The following STAG1 variants were observed in gnomAD, a reference collection of about 807,000 sequenced individuals.
STAG1 encodes the protein STAG1 cohesin complex component, also known as cohesin subunit SA-1.
Under a neutral mutation model 170.9 loss-of-function variants are expected in STAG1, and 26 were observed. The ratio of observed to expected loss-of-function variants is 0.15; its 90% CI spans 0.11 to 0.21. The LOEUF (loss-of-function observed/expected upper bound fraction) is 0.21, where lower values mean the gene tolerates loss of function less well. STAG1 is among the 10% of genes least tolerant of loss of function. The pLI, the probability that STAG1 is intolerant of heterozygous loss-of-function variation, is 1.00. For synonymous variants in STAG1, 514 were observed against 497.7 expected, an observed-to-expected ratio of 1.03 and a Z score of -0.44; for missense variants, 964 against 1,509.5, an observed-to-expected ratio of 0.64 and a Z score of 5.99.
intron 6 of STAG1, among the ~76,000 whole-genome samples, chr3:136,540,341 ATGG>A (rs1448546232): frequency 6.6e-6 from 1 of 152,040 alleles, no homozygotes; most frequent in Non-Finnish European, 1.5e-5. Context: ...AAAAACTAGA[ATGG>A]TGATTTTAAA....
At chr3:136,557,705 A>AT (rs1200487317) in intron 5 of STAG1, among the ~76,000 whole-genome samples, 3 of 151,738 alleles carry the variant, frequency 2.0e-5, no homozygotes, top group Non-Finnish European at 4.4e-5. Flanking sequence ...ACCATGCCCA[A>AT]TTTTTTTATT....
In STAG1 at chr3:136,525,339, C is replaced by T. The variant is rs942977622; in HGVS notation, c.472-3922G>A. On this transcript the variant is annotated intron_variant, in intron 6 of 33. Coordinates refer to ENST00000383202, the MANE Select transcript of STAG1 (RefSeq NM_005862.3). Reference sequence around the variant, plus strand: ...TTAGTCTTGGGAGGGTGTATGTGTCCAGGAATTTATCCATTTCTTCTAGAT... The same window carrying T: ...TTAGTCTTGGGAGGGTGTATGTGTCTAGGAATTTATCCATTTCTTCTAGAT... 4.6e-5 allele frequency among the ~76,000 whole-genome samples: 7 copies of T among 152,026 alleles called. No individual in the cohort carries two copies. The South Asian group carries it at 8.3e-4, about 18-fold the overall frequency.
At chr3:136,556,967 C>T (rs1936649298) in intron 5 of STAG1, among the ~76,000 whole-genome samples, 1 of 151,944 alleles carries the variant, frequency 6.6e-6, no homozygotes, top group African/African-American at 2.4e-5. Flanking sequence ...GAGCAATGGC[C>T]GACGCCTGTA....
intron 1 of STAG1, among the ~76,000 whole-genome samples, chr3:136,675,555 CAATTCACGTGCTATAA>C (rs1331325339): frequency 6.6e-6 from 1 of 152,194 alleles, no homozygotes; most frequent in Non-Finnish European, 1.5e-5. Flanking sequence ...TTGAGATATA[CAATTCACGTGCTATAA>C]AATTCACCCT....
At chr3:136,735,814 A>G (rs1470677542) in intron 1 of STAG1, among the ~76,000 whole-genome samples, 2 of 152,168 alleles carry the variant, frequency 1.3e-5, no homozygotes, top group Non-Finnish European at 2.9e-5. Flanking sequence ...ATAAAAATTT[A>G]TTATACATAA....
intron 15 of STAG1, among the ~76,000 whole-genome samples, chr3:136,437,633 T>C (rs149938281): frequency 5.1e-4 from 78 of 152,338 alleles, no homozygotes; most frequent in African/African-American, 1.8e-3. Flanking sequence ...AAATCACCAA[T>C]GACCTAAATC....
chr3:136,603,642 T>C (rs1938791849), intron 4 of STAG1, among the ~76,000 whole-genome samples: 1 of 152,102 alleles, frequency 6.6e-6, no homozygotes, highest in Non-Finnish European at 1.5e-5. Context: ...CCCAGTACTT[T>C]GGGAGGCCGA....
intron 1 of STAG1, among the ~76,000 whole-genome samples, chr3:136,739,852 TAC>T (rs961633618): frequency 6.0e-5 from 9 of 151,256 alleles, no homozygotes; most frequent in Non-Finnish European, 2.9e-5. Flanking sequence ...TATACATATA[TAC>T]ACACACACAC....
At chr3:136,446,168 C>T (rs900155546) in intron 14 of STAG1, among the ~76,000 whole-genome samples, 2 of 152,120 alleles carry the variant, frequency 1.3e-5, no homozygotes, top group African/African-American at 2.4e-5. Flanking sequence ...TATACTCCTA[C>T]ATTTAAAAAC....
chr3:136,559,054 T>TA (rs1009156462), intron 5 of STAG1, among the ~76,000 whole-genome samples: 6 of 152,156 alleles, frequency 3.9e-5, no homozygotes, highest in African/African-American at 1.4e-4. Flanking sequence ...CAAAGGCACT[T>TA]TATATTCAGT....
intron 21 of STAG1, among the ~76,000 whole-genome samples, chr3:136,405,362 T>A (rs539383779): frequency 3.3e-5 from 5 of 150,356 alleles, no homozygotes; most frequent in Non-Finnish European, 7.4e-5. Flanking sequence ...GTGCATCAGC[T>A]TTCCGAGTAG....
chr3:136,469,090 CCT>C (rs2089552604), intron 12 of STAG1, among the ~76,000 whole-genome samples: 1 of 152,062 alleles, frequency 6.6e-6, no homozygotes, highest in Non-Finnish European at 1.5e-5. Context: ...ACAGGGATGC[CCT>C]CTCTCACCAC....
chr3:136,665,586 T>C (rs1941733155), intron 1 of STAG1, among the ~76,000 whole-genome samples: 1 of 151,328 alleles, frequency 6.6e-6, no homozygotes, highest in East Asian at 1.9e-4. Flanking sequence ...GAGACCACCC[T>C]AGCTAACACA....
intron 7 of STAG1, among the ~76,000 whole-genome samples, chr3:136,513,041 A>C (rs1387081552): frequency 6.6e-6 from 1 of 152,216 alleles, no homozygotes; most frequent in African/African-American, 2.4e-5. Flanking sequence ...GAAACACAGA[A>C]TATTTCAAAA....
At position 136,572,620 on chromosome 3, in the gene STAG1, A is replaced by AAAG. The variant is rs1553747955; in HGVS notation, c.298-3762_298-3760dup. 5.0e-4 allele frequency among the ~76,000 whole-genome samples: 75 copies of AAAG among 148,742 alleles called. 2 individuals are homozygous for AAAG. Among genetic ancestry groups the AAAG allele is most frequent in the African/African-American group, 1.8e-3 (72 of 40,332 alleles). On this transcript the variant is annotated intron_variant, in intron 4 of 33. Coordinates refer to ENST00000383202, the MANE Select transcript of STAG1 (RefSeq NM_005862.3). ...CTGTCTCAAAAAAAAAAAAAAAAAAAAAGTAAGCAAGTAAGAGAACAAAGT... is the reference window on the plus strand; with the variant it reads ...CTGTCTCAAAAAAAAAAAAAAAAAAAAAGAAGTAAGCAAGTAAGAGAACAAAGT...
chr3:136,746,023 A>G (rs1279991890), intron 1 of STAG1, among the ~76,000 whole-genome samples: 2 of 152,152 alleles, frequency 1.3e-5, no homozygotes, highest in African/African-American at 4.8e-5. Context: ...GATTCTATAA[A>G]ACCAACTGAA....
Position 136,688,856 on chromosome 3 carries a change from T to A in STAG1, c.-83-57875A>T, listed in dbSNP as rs181159679. Among the ~76,000 whole-genome samples, 175 of 152,328 alleles carry A rather than the reference T, an allele frequency of 1.1e-3. No homozygotes were observed. In the Middle Eastern group the frequency reaches 0.014, roughly 12 times the overall value. The stretch of plus-strand genomic sequence containing the variant: ...GTGAGCCCCAAAGGATGGACAGCTT[T>A]CAAATTTATTAACACCAAAGGAAGA... On this transcript the variant is annotated intron_variant, in intron 1 of 33. Coordinates refer to ENST00000383202, the MANE Select transcript of STAG1 (RefSeq NM_005862.3).
At position 136,577,633 on chromosome 3, in the gene STAG1, T is replaced by C. The variant is rs555037582; in HGVS notation, c.298-8772A>G. 3.9e-5 allele frequency among the ~76,000 whole-genome samples: 6 copies of C among 152,294 alleles called. 1 individual carries two copies. The South Asian group carries it at 1.0e-3, about 26-fold the overall frequency. Reference sequence around the variant, plus strand: ...CCTTGAAGGGGGATGCTCATTCTCCTGAAGACTTACCAAAACCAGCCCCTG... The same window carrying C: ...CCTTGAAGGGGGATGCTCATTCTCCCGAAGACTTACCAAAACCAGCCCCTG... On this transcript the variant is annotated intron_variant, in intron 4 of 33. Coordinates refer to ENST00000383202, the MANE Select transcript of STAG1 (RefSeq NM_005862.3).
intron 2 of STAG1, among the ~76,000 whole-genome samples, chr3:136,628,352 G>A (rs1576686519): frequency 6.6e-6 from 1 of 152,106 alleles, no homozygotes; most frequent in Non-Finnish European, 1.5e-5. Context: ...AATACACATA[G>A]TGAAGAGAAA....
Sources: gnomAD v4.1 joint callset for allele counts (sites outside exome capture counted in the v4.1 genomes callset) on GRCh38, gnomAD v4.1.1 for gene constraint, MANE v1.5 for transcripts, NCBI Gene and HGNC (gene_info 2026-07-23, HGNC 2026-07-21) for gene names.